Variants in PMFBP1 observed in about 807,000 individuals in gnomAD.
The protein encoded by PMFBP1 is polyamine modulated factor 1 binding protein 1.
A neutral mutation model predicts 137.8 loss-of-function variants in PMFBP1; 131 were observed. That is an observed-to-expected ratio of 0.95 (90% CI 0.82 to 1.10). The LOEUF is 1.10. Among genes scored for constraint, PMFBP1 ranks in the 50% least tolerant of loss-of-function variants. The pLI is 0.00. For missense variants in PMFBP1, 1,199 were observed against 1,175.4 expected (o/e 1.02, Z -0.29); for synonymous variants, 490 against 450.4 (o/e 1.09, Z -1.11).
At chr16:72,122,494 A>T (rs991225547) in intron 19 of PMFBP1, among the ~76,000 whole-genome samples, 1 of 152,168 alleles carries the variant, frequency 6.6e-6, no homozygotes, top group African/African-American at 2.4e-5. Flanking sequence ...AGCAGGTGGA[A>T]CAGAAGGGCT....
At chr16:72,145,993 A>G (rs2042800117) in intron 5 of PMFBP1, among the ~76,000 whole-genome samples, 6 of 152,218 alleles carry the variant, frequency 3.9e-5, no homozygotes, top group Admixed American at 3.9e-4. Context: ...TATTCCAATC[A>G]ATAGAAAAAG....
chr16:72,226,766 C>T, the PMFBP1 span, among the ~76,000 whole-genome samples: 10 of 152,182 alleles, frequency 6.6e-5, no homozygotes, highest in East Asian at 5.8e-4. Flanking sequence ...TCTAGAGATT[C>T]GCAAAGAAGC....
chr16:72,187,377 A>G, the PMFBP1 span, among the ~76,000 whole-genome samples: 1 of 152,038 alleles, frequency 6.6e-6, no homozygotes, highest in Non-Finnish European at 1.5e-5. Flanking sequence ...AGTCATAGGG[A>G]TGGGGAAGCT....
At chr16:72,147,514 A>G (rs946886284) in intron 5 of PMFBP1, among the ~76,000 whole-genome samples, 2 of 152,240 alleles carry the variant, frequency 1.3e-5, no homozygotes, top group African/African-American at 4.8e-5. Context: ...TAAAGCCAAA[A>G]TAGACAAATG....
At chr16:72,219,068 A>G in the PMFBP1 span, among the ~76,000 whole-genome samples, 5 of 152,226 alleles carry the variant, frequency 3.3e-5, no homozygotes, top group Non-Finnish European at 7.3e-5. Context: ...ACATGTATAC[A>G]TTGTGGAGTG....
At chr16:72,121,260 C>T (rs149525687) in intron 19 of PMFBP1, among the ~76,000 whole-genome samples, 37 of 152,286 alleles carry the variant, frequency 2.4e-4, no homozygotes, top group African/African-American at 7.2e-4. Flanking sequence ...ACCTTGAGGT[C>T]GCCTCTTCCC....
chr16:72,136,030 C>T (rs1457572993), intron 9 of PMFBP1, among the ~76,000 whole-genome samples: 4 of 152,260 alleles, frequency 2.6e-5, no homozygotes, highest in Admixed American at 2.0e-4. Flanking sequence ...GCTGGGATTA[C>T]AGGCTTGAGC....
At chr16:72,169,575 G>C (rs1206847983) in intron 2 of PMFBP1, among the ~76,000 whole-genome samples, 1 of 151,968 alleles carries the variant, frequency 6.6e-6, no homozygotes, top group African/African-American at 2.4e-5. Flanking sequence ...GTATACTTAT[G>C]TAACAAACCT....
At chr16:72,170,169 G>C (rs962994443) in intron 2 of PMFBP1, among the ~76,000 whole-genome samples, 1 of 151,416 alleles carries the variant, frequency 6.6e-6, no homozygotes, top group Non-Finnish European at 1.5e-5. Flanking sequence ...CATATTGAAG[G>C]TGCTCCAAAG....
At chr16:72,199,154 G>A in the PMFBP1 span, among the ~76,000 whole-genome samples, 4 of 152,148 alleles carry the variant, frequency 2.6e-5, no homozygotes, top group Admixed American at 6.5e-5. Context: ...CTCCCCTGTC[G>A]GTTCAGGTGT....
At chr16:72,209,189 G>A in the PMFBP1 span, among the ~76,000 whole-genome samples, 3 of 152,210 alleles carry the variant, frequency 2.0e-5, no homozygotes, top group East Asian at 5.8e-4. Context: ...AATAGCGCTT[G>A]TGTCCAGAAA....
intron 5 of PMFBP1, among the ~76,000 whole-genome samples, chr16:72,144,143 G>C (rs1171208930): frequency 6.6e-6 from 1 of 152,006 alleles, no homozygotes; most frequent in African/African-American, 2.4e-5. Context: ...AAATACGTGA[G>C]ATCTACAGAG....
At chr16:72,187,608 C>T in the PMFBP1 span, among the ~76,000 whole-genome samples, 4 of 152,058 alleles carry the variant, frequency 2.6e-5, no homozygotes, top group Admixed American at 6.6e-5. Context: ...GTGATCAAGT[C>T]GTGGAAGGGA....
At chr16:72,117,202 T>C (rs72787070), downstream of PMFBP1, among the ~76,000 whole-genome samples, 19,246 of 152,208 alleles carry the variant, frequency 0.13, 1,719 homozygotes, top group South Asian at 0.18. Flanking sequence ...ATAGTTTTCA[T>C]TGTACAAGTC....
At position 72,119,159 on chromosome 16, in the gene PMFBP1, G is replaced by T; in HGVS notation, c.*179C>A. 1 of 653,538 alleles carries T rather than the reference G, an allele frequency of 1.5e-6. No homozygotes were observed. The highest frequency in any genetic ancestry group is 2.7e-6 in the Non-Finnish European group (1 of 376,236). The allele number at this position is 653,538 out of a possible 1,614,324, so 40.5% of individuals were successfully genotyped here. On this transcript the variant is annotated 3_prime_UTR_variant, in exon 21 of 21. Coordinates refer to ENST00000237353, the MANE Select transcript of PMFBP1 (RefSeq NM_031293.3). ...CTGGAGATGGTAGTATGGTTCTAAAGCTCACTCCATGGCAGGAAGTGGACA... is the reference window on the plus strand; with the variant it reads ...CTGGAGATGGTAGTATGGTTCTAAATCTCACTCCATGGCAGGAAGTGGACA...
chr16:72,167,677 C>T (rs1307493222), intron 2 of PMFBP1, among the ~76,000 whole-genome samples: 1 of 152,184 alleles, frequency 6.6e-6, no homozygotes, highest in Admixed American at 6.5e-5. Flanking sequence ...GGAGCCTCTC[C>T]ACTCTGGCCA....
At chr16:72,222,474 T>C in the PMFBP1 span, among the ~76,000 whole-genome samples, 30 of 152,202 alleles carry the variant, frequency 2.0e-4, no homozygotes, top group Admixed American at 9.2e-4. Context: ...TCTGGGGGGA[T>C]AGAGCAGTGG....
the PMFBP1 span, among the ~76,000 whole-genome samples, chr16:72,212,824 C>T: frequency 6.6e-6 from 1 of 152,126 alleles, no homozygotes; most frequent in Admixed American, 6.5e-5. Flanking sequence ...CTGAAAGTTT[C>T]CAGCGGGGAT....
At chr16:72,189,055 G>C in the PMFBP1 span, among the ~76,000 whole-genome samples, 12 of 151,976 alleles carry the variant, frequency 7.9e-5, no homozygotes, top group Admixed American at 7.9e-4. Context: ...AATACTTTTA[G>C]TGTTGACTTT....
Sources: allele counts gnomAD v4.1 joint callset (sites outside exome capture counted in the v4.1 genomes callset), GRCh38; gene constraint gnomAD v4.1.1; transcripts MANE v1.5; gene names NCBI Gene and HGNC (gene_info 2026-07-23, HGNC 2026-07-21).